Variants in EPB41L3 observed in about 807,000 individuals in gnomAD.
EPB41L3 encodes the protein erythrocyte membrane protein band 4.1 like 3.
EPB41L3 carries 57 observed loss-of-function variants against 127.1 expected under a neutral mutation model. That is an observed-to-expected ratio of 0.45 (90% confidence interval 0.36 to 0.56). EPB41L3 has a LOEUF of 0.56. Ranked by LOEUF, EPB41L3 falls within the 20% of genes least tolerant of loss-of-function variation. The pLI is 0.00. For synonymous variants in EPB41L3, 572 were observed against 549.5 expected (o/e 1.04, Z -0.57); for missense variants, 1,273 against 1,372.2 (o/e 0.93, Z 1.14).
upstream of EPB41L3, among the ~76,000 whole-genome samples, chr18:5,544,914 ATACT>A (rs1342467742): frequency 6.6e-6 from 1 of 152,198 alleles, no homozygotes; most frequent in Non-Finnish European, 1.5e-5. Context: ...ACATATATAC[ATACT>A]ATGTACCCAC....
At position 5,512,196 on chromosome 18, in the gene EPB41L3, T is replaced by C. The variant is rs79016271; in HGVS notation, c.-11-23002A>G. Among the ~76,000 whole-genome samples the C allele has an allele frequency of 6.2e-3, 943 of 152,166 alleles. 16 individuals carry two copies. Among genetic ancestry groups the C allele is most frequent in the African/African-American group, 0.022 (913 of 41,484 alleles). ...TATAAATTCCCATCCTCAAAAACCT[T>C]ATAATTTAGAGAAAACACACCCAAG... On this transcript the variant is annotated intron_variant, in intron 1 of 22. Transcript: ENST00000341928.
intron 3 of EPB41L3, among the ~76,000 whole-genome samples, chr18:5,597,326 T>TA (rs2094546592): frequency 6.6e-6 from 1 of 152,190 alleles, no homozygotes; most frequent in Admixed American, 6.5e-5. Flanking sequence ...CTCTCTATGA[T>TA]ATGACTTGGC....
At chr18:5,437,899 T>C (rs1598927874) in intron 6 of EPB41L3, 136 bp downstream of exon 6, 1 of 662,666 alleles carries the variant, frequency 1.5e-6, no homozygotes, top group East Asian at 2.9e-5. Context: ...TTGCTCTCGT[T>C]CATTTGCCTT....
At chr18:5,571,135 T>C (rs2094274944) in intron 3 of EPB41L3, among the ~76,000 whole-genome samples, 1 of 152,230 alleles carries the variant, frequency 6.6e-6, no homozygotes, top group South Asian at 2.1e-4. Context: ...AGCCATGTAC[T>C]ATGCCAAAAG....
rs1479413456 is a variant in EPB41L3 at position 5,393,478 on chromosome 18, C to T, written c.*7G>A. On this transcript the variant is annotated splice_region_variant and 3_prime_UTR_variant, in exon 23 of 23. Coordinates refer to ENST00000341928, the MANE Select transcript of EPB41L3 (RefSeq NM_012307.5). ...GCATTCATGTGCAAGCTAAGTTATT[C>T]CTGCAAAAAAGACATTTGATTAGTT... 3 of 700,782 alleles carry T rather than the reference C, an allele frequency of 4.3e-6. No homozygotes were observed. The highest frequency in any genetic ancestry group is 1.8e-5 in the African/African-American group (1 of 57,076). 43.4% of individuals were successfully genotyped at this position (700,782 alleles called of 1,614,324 possible). A position where few individuals can be genotyped will look rare whatever the true frequency, so the allele number is the denominator to read the frequency against.
At chr18:5,606,934 GTCTC>G (rs1208077192) in intron 3 of EPB41L3, among the ~76,000 whole-genome samples, 3 of 137,124 alleles carry the variant, frequency 2.2e-5, no homozygotes, top group Non-Finnish European at 3.2e-5. Context: ...CTCTCTCTCC[GTCTC>G]TCTCTCTCTC....
chr18:5,406,887 T>C lies in EPB41L3; in HGVS notation c.2239A>G (p.Thr747Ala), dbSNP rs1336516679. 7 of 1,614,224 alleles carry C rather than the reference T, an allele frequency of 4.3e-6. No homozygotes were observed. The highest frequency in any genetic ancestry group is 4.0e-5 in the African/African-American group (3 of 75,068). ...CATTCATTCGTTACGGCAGTGTCTGTTGAGGTTTCTAAGAAGGTTCTTTTC... is the reference window on the plus strand; with the variant it reads ...CATTCATTCGTTACGGCAGTGTCTGCTGAGGTTTCTAAGAAGGTTCTTTTC... ...ELKRTFLETS[T>A]DTAVTNEWEK... Residue 747 changes from threonine (T) to alanine (A), a missense_variant, in exon 16 of 23, where the codon ACA (threonine) becomes GCA (alanine). Thr to Ala is a moderately conservative substitution (Grantham distance 58). This residue lies in a region of EPB41L3 where 765 missense variants were observed against 782.9 expected (regional missense o/e 0.98). Coordinates refer to ENST00000341928, the MANE Select transcript of EPB41L3 (RefSeq NM_012307.5).
intron 5 of EPB41L3, 25 bp downstream of exon 5, chr18:5,443,813 C>CA (rs773335197): frequency 4.9e-4 from 783 of 1,602,988 alleles, no homozygotes; most frequent in Non-Finnish European, 6.3e-4. Flanking sequence ...CACATTTCCA[C>CA]AAAAAATAAT....
At chr18:5,412,749 T>A (rs1462875618) in intron 13 of EPB41L3, among the ~76,000 whole-genome samples, 1 of 152,090 alleles carries the variant, frequency 6.6e-6, no homozygotes, top group Non-Finnish European at 1.5e-5. Flanking sequence ...TGTGGCACAT[T>A]GGGCACTTTT....
intron 3 of EPB41L3, among the ~76,000 whole-genome samples, chr18:5,609,209 G>A (rs1269056952): frequency 6.6e-6 from 1 of 152,136 alleles, no homozygotes; most frequent in Non-Finnish European, 1.5e-5. Context: ...TTTTCCTATG[G>A]AGGTATGCCT....
At chr18:5,595,669 CAGTA>C (rs955305532) in intron 3 of EPB41L3, among the ~76,000 whole-genome samples, 1 of 152,128 alleles carries the variant, frequency 6.6e-6, no homozygotes, top group Non-Finnish European at 1.5e-5. Context: ...CCTTCCCCAT[CAGTA>C]AGTGTTTGAT....
At chr18:5,517,966 A>G (rs1330140015) in intron 1 of EPB41L3, among the ~76,000 whole-genome samples, 1 of 152,060 alleles carries the variant, frequency 6.6e-6, no homozygotes, top group Non-Finnish European at 1.5e-5. Flanking sequence ...GTCTTTGAAG[A>G]GCTTAACTGG....
intron 5 of EPB41L3, among the ~76,000 whole-genome samples, chr18:5,440,240 C>T (rs994661117): frequency 3.3e-5 from 5 of 152,056 alleles, no homozygotes; most frequent in Admixed American, 6.6e-5. Context: ...ATCACTACTG[C>T]TACTAAGGAA....
Position 5,434,012 on chromosome 18 carries a change from C to G in EPB41L3, c.715G>C (p.Asp239His). The stretch of plus-strand genomic sequence containing the variant: ...CTCCCACATTCATCTGGGTCATAGT[C>G]TCCGAGCTCTGACTGGACAGTGTAG... The part of the protein sequence containing the change: ...GSYTVQSELG[D>H]YDPDECGSDY... Residue 239 changes from aspartate to histidine, a missense_variant, in exon 7 of 23, where the codon GAC becomes CAC. Around this residue, in one of 3 missense-constraint regions of EPB41L3, gnomAD observed 326 missense variants for 440.2 expected, o/e 0.74. Coordinates refer to ENST00000341928, the MANE Select transcript of EPB41L3 (RefSeq NM_012307.5). 6.2e-7 allele frequency: 1 copy of G among 1,614,154 alleles called. No homozygotes were observed.
intron 1 of EPB41L3, among the ~76,000 whole-genome samples, chr18:5,489,675 A>G (rs2090358404): frequency 6.6e-6 from 1 of 152,206 alleles, no homozygotes; most frequent in African/African-American, 2.4e-5. Context: ...ACTTCAAGGA[A>G]CAAATGCCTT....
intron 3 of EPB41L3, among the ~76,000 whole-genome samples, chr18:5,592,485 G>T (rs1412421658): frequency 6.6e-6 from 1 of 152,226 alleles, no homozygotes; most frequent in Non-Finnish European, 1.5e-5. Context: ...ACTGCTAACT[G>T]GCTGTGGCAG....
chr18:5,427,387 G>A (rs1015990125), intron 9 of EPB41L3, among the ~76,000 whole-genome samples: 2 of 152,268 alleles, frequency 1.3e-5, no homozygotes, highest in South Asian at 4.1e-4. Context: ...GTAGATATGT[G>A]TTACTATTAT....
intron 3 of EPB41L3, among the ~76,000 whole-genome samples, chr18:5,575,638 A>G (rs939367746): frequency 2.6e-5 from 4 of 152,030 alleles, no homozygotes; most frequent in African/African-American, 9.7e-5. Context: ...GGAGTTCGAG[A>G]CCAGCCTGGC....
At chr18:5,597,994 G>A (rs1415366512) in intron 3 of EPB41L3, among the ~76,000 whole-genome samples, 1 of 152,158 alleles carries the variant, frequency 6.6e-6, no homozygotes, top group Non-Finnish European at 1.5e-5. Context: ...TCTAATTCCT[G>A]TAGCAGTTCT....
Sources: allele counts gnomAD v4.1 joint callset (sites outside exome capture counted in the v4.1 genomes callset), GRCh38; gene constraint gnomAD v4.1.1; regional missense constraint gnomAD v4.1.1; transcripts MANE v1.5; gene names NCBI Gene and HGNC (gene_info 2026-07-23, HGNC 2026-07-21).